DGUOK: variants seen among roughly 807,000 people sequenced by gnomAD.
DGUOK encodes deoxyguanosine kinase.
Under a neutral mutation model 36.6 loss-of-function variants are expected in DGUOK, and 30 were observed. The ratio of observed to expected loss-of-function variants is 0.82; its 90% CI spans 0.61 to 1.11. DGUOK has a LOEUF of 1.11. Ranked by LOEUF, DGUOK falls within the 50% of genes most tolerant of loss-of-function variation. DGUOK has a pLI of 0.00. For synonymous variants in DGUOK, 145 were observed against 126.3 expected (o/e 1.15, Z -0.99); for missense variants, 361 against 336.4 (o/e 1.07, Z -0.57).
At chr2:73,934,111 G>T (rs1341677724) in intron 1 of DGUOK, among the ~76,000 whole-genome samples, 1 of 152,070 alleles carries the variant, frequency 6.6e-6, no homozygotes, top group African/African-American at 2.4e-5. Context: ...AATGGGATCT[G>T]TTATTTTGGG....
At chr2:73,932,185 C>T (rs1412314494) in intron 1 of DGUOK, among the ~76,000 whole-genome samples, 2 of 152,016 alleles carry the variant, frequency 1.3e-5, no homozygotes, top group Non-Finnish European at 2.9e-5. Context: ...TGCAATTGCC[C>T]AAGAAAAGGG....
In DGUOK at chr2:73,938,952, A is replaced by G. The variant is rs1170412384; in HGVS notation, c.185A>G (p.Tyr62Cys). Reference sequence around the variant, plus strand: ...TTTGTGAAGTTACTCACGAAAACTTACCCAGAATGGCACGTAGCTACAGAA... The same window carrying G: ...TTTGTGAAGTTACTCACGAAAACTTGCCCAGAATGGCACGTAGCTACAGAA... ...STFVKLLTKT[Y>C]PEWHVATEPV... Residue 62 changes from tyrosine (Y) to cysteine (C), a missense_variant, in exon 2 of 7, where the codon TAC (tyrosine) becomes TGC (cysteine). Physicochemically the swap from Tyr to Cys is radical, Grantham distance 194. Transcript: ENST00000264093. The G allele has an allele frequency of 6.2e-7, 1 of 1,613,964 alleles. No individual in the cohort carries two copies. Among genetic ancestry groups the G allele is most frequent in the African/African-American group, 1.3e-5 (1 of 74,914 alleles).
chr2:73,931,464 G>A (rs1313986968), intron 1 of DGUOK, among the ~76,000 whole-genome samples: 1 of 152,190 alleles, frequency 6.6e-6, no homozygotes, highest in Non-Finnish European at 1.5e-5. Flanking sequence ...TAATGAAAGA[G>A]AAGTAGTTGG....
intron 1 of DGUOK, among the ~76,000 whole-genome samples, chr2:73,928,795 G>A (rs1352103486): frequency 2.6e-5 from 4 of 152,216 alleles, no homozygotes; most frequent in Non-Finnish European, 2.9e-5. Flanking sequence ...TGATAACATT[G>A]AAAGTGAAGA....
At chr2:73,954,205 G>C (rs1682922970) in intron 4 of DGUOK, among the ~76,000 whole-genome samples, 1 of 152,074 alleles carries the variant, frequency 6.6e-6, no homozygotes, top group Admixed American at 6.6e-5. Context: ...AATTAGCCAA[G>C]CATGGTGGTG....
chr2:73,936,231 T>C (rs563941486), intron 1 of DGUOK, among the ~76,000 whole-genome samples: 4 of 152,344 alleles, frequency 2.6e-5, no homozygotes, highest in African/African-American at 7.2e-5. Context: ...TCTGATAATA[T>C]ACACATTCAA....
At chr2:73,957,089 CAA>C (rs777542320) in intron 4 of DGUOK, 34 bp from the exon 5 acceptor site, 1 of 1,512,614 alleles carries the variant, frequency 6.6e-7, no homozygotes, top group Non-Finnish European at 9.2e-7. Context: ...GCCAAAACAG[CAA>C]AGAGCTCATC....
intron 4 of DGUOK, among the ~76,000 whole-genome samples, chr2:73,952,467 A>C (rs1682769278): frequency 6.6e-6 from 1 of 152,210 alleles, no homozygotes; most frequent in African/African-American, 2.4e-5. Flanking sequence ...AGCCCCAGGA[A>C]GGCTTGTGGC....
chr2:73,940,545 A>G (rs1274706226), intron 2 of DGUOK, among the ~76,000 whole-genome samples: 1 of 152,202 alleles, frequency 6.6e-6, no homozygotes, highest in Non-Finnish European at 1.5e-5. Flanking sequence ...TTTCCTATGC[A>G]GGAATAAATT....
intron 1 of DGUOK, among the ~76,000 whole-genome samples, chr2:73,929,028 G>C (rs1307118325): frequency 6.6e-6 from 1 of 152,310 alleles, no homozygotes; most frequent in South Asian, 2.1e-4. Context: ...AGGGGCCAAT[G>C]ATGACTCCAA....
At chr2:73,931,632 A>G (rs1681045646) in intron 1 of DGUOK, among the ~76,000 whole-genome samples, 1 of 152,204 alleles carries the variant, frequency 6.6e-6, no homozygotes, top group Non-Finnish European at 1.5e-5. Flanking sequence ...TGCCATGACC[A>G]GATTAATTTA....
chr2:73,956,729 G>C (rs983083226), intron 4 of DGUOK, among the ~76,000 whole-genome samples: 1 of 152,152 alleles, frequency 6.6e-6, no homozygotes, highest in Non-Finnish European at 1.5e-5. Context: ...CCATAATCCA[G>C]GTAAGAAGTA....
intron 1 of DGUOK, among the ~76,000 whole-genome samples, chr2:73,933,478 A>G (rs1466186728): frequency 1.3e-5 from 2 of 152,222 alleles, no homozygotes; most frequent in African/African-American, 4.8e-5. Flanking sequence ...GAGGCTTCAC[A>G]GAGAAGGTGG....
At chr2:73,929,105 C>T (rs1241360938) in intron 1 of DGUOK, among the ~76,000 whole-genome samples, 2 of 152,104 alleles carry the variant, frequency 1.3e-5, no homozygotes, top group Non-Finnish European at 2.9e-5. Context: ...CTCCTTCTTC[C>T]TCCCCTCCCC....
At chr2:73,930,087 G>C (rs574407053) in intron 1 of DGUOK, among the ~76,000 whole-genome samples, 1 of 152,288 alleles carries the variant, frequency 6.6e-6, no homozygotes, top group East Asian at 1.9e-4. Flanking sequence ...TTTAGTCTTA[G>C]CTAGGAGCAC....
chr2:73,931,788 G>A (rs1681057753), intron 1 of DGUOK, among the ~76,000 whole-genome samples: 1 of 152,232 alleles, frequency 6.6e-6, no homozygotes, highest in Non-Finnish European at 1.5e-5. Flanking sequence ...TTGAGTCTGT[G>A]CACTAGTTTT....
chr2:73,936,138 G>A (rs1681444547), intron 1 of DGUOK, among the ~76,000 whole-genome samples: 2 of 152,120 alleles, frequency 1.3e-5, no homozygotes, highest in Admixed American at 1.3e-4. Context: ...CCATATTTTA[G>A]ACTTGTTAAA....
intron 2 of DGUOK, among the ~76,000 whole-genome samples, chr2:73,945,217 C>T (rs1682207968): frequency 6.6e-6 from 1 of 152,208 alleles, no homozygotes; most frequent in Non-Finnish European, 1.5e-5. Context: ...TCATCAGTTA[C>T]TTCCCAGCTT....
intron 2 of DGUOK, among the ~76,000 whole-genome samples, chr2:73,942,439 T>A (rs920154160): frequency 3.9e-5 from 6 of 152,214 alleles, no homozygotes; most frequent in African/African-American, 1.2e-4. Context: ...AATGGTTATC[T>A]ACTTAGCCAG....
Sources: gnomAD v4.1 joint callset for allele counts (sites outside exome capture counted in the v4.1 genomes callset) on GRCh38, gnomAD v4.1.1 for gene constraint, MANE v1.5 for transcripts, NCBI Gene and HGNC (gene_info 2026-07-23, HGNC 2026-07-21) for gene names.